Variants in NLRP1 observed in about 807,000 individuals in gnomAD.
NLRP1 encodes the protein NACHT, LRR and PYD domains-containing protein 1.
In NLRP1, 94 loss-of-function variants were observed where a neutral mutation model predicts 136.7. The ratio of observed to expected loss-of-function variants is 0.69; its 90% CI spans 0.58 to 0.82. The LOEUF (loss-of-function observed/expected upper bound fraction) is 0.82. Ranked by LOEUF, NLRP1 falls within the 40% of genes least tolerant of loss-of-function variation. The probability of loss-of-function intolerance (pLI) is 0.00; values close to 1 mark genes in which losing one functional copy is unlikely to be tolerated. For synonymous variants in NLRP1, 690 were observed against 725.1 expected, an observed-to-expected ratio of 0.95 and a Z score of 0.78; for missense variants, 1,575 against 1,802.7, an observed-to-expected ratio of 0.87 and a Z score of 2.29.
rs751062649 is a variant in NLRP1 at position 5,582,067 on chromosome 17, G to A, written c.449-5C>T. On this transcript the variant is annotated splice_region_variant and splice_polypyrimidine_tract_variant and intron_variant, in intron 2 of 16. Coordinates refer to ENST00000572272, the MANE Select transcript of NLRP1 (RefSeq NM_033004.4). ...AGAGGAGTGAGGCAGAGATTTCTGGGGGGAATGAAAAGAAAAATAACCATT... is the reference window on the plus strand; with the variant it reads ...AGAGGAGTGAGGCAGAGATTTCTGGAGGGAATGAAAAGAAAAATAACCATT... The A allele has an allele frequency of 2.5e-6, 4 of 1,606,652 alleles. No individual in the cohort carries two copies. In the Admixed American group the frequency reaches 5.1e-5, roughly 21 times the overall value.
chr17:5,534,086 G>A (rs936220325), intron 8 of NLRP1, 98 bp from the exon 9 acceptor site: 2 of 848,690 alleles, frequency 2.4e-6, no homozygotes, highest in Non-Finnish European at 4.1e-6. Flanking sequence ...CTCGGGTCGG[G>A]TGCAGTGGCT....
chr17:5,539,473 C>G lies in NLRP1; in HGVS notation c.2812G>C (p.Gly938Arg), dbSNP rs1260504045. ...AGCCCCTCACAGAGCAGTCGCACGC[C>G]AACGTCATCCAGGTTGTTCTGCTGC... ...DLQQNNLDDV[G>R]VRLLCEGLRH... is the part of the protein sequence containing the mutation. The change falls in exon 7 of 17, where the codon GGC becomes CGC. Residue 938 changes from glycine to arginine, a missense_variant. Transcript: ENST00000572272. The G allele has an allele frequency of 6.2e-7, 1 of 1,614,180 alleles. No individual in the cohort carries two copies. The highest frequency in any genetic ancestry group is 8.5e-7 in the Non-Finnish European group (1 of 1,180,030).
chr17:5,527,911 A>G (rs2151750781), intron 12 of NLRP1, among the ~76,000 whole-genome samples: 1 of 152,280 alleles, frequency 6.6e-6, no homozygotes, highest in African/African-American at 2.4e-5. Flanking sequence ...AGTCCTCACA[A>G]TGGGGAGGGC....
At chr17:5,532,747 A>C (rs943931778) in intron 11 of NLRP1, 75 bp downstream of exon 11, 26 of 1,370,014 alleles carry the variant, frequency 1.9e-5, no homozygotes, top group Admixed American at 2.6e-5. Flanking sequence ...GGTGGCGCTG[A>C]CTGTCTGTGG....
intron 15 of NLRP1, chr17:5,502,373 T>C (rs897284286): frequency 1.8e-4 from 29 of 161,034 alleles, no homozygotes; most frequent in African/African-American, 5.4e-4. Context: ...CACTGCAACC[T>C]CTGCCTCCCA....
In NLRP1 at chr17:5,568,246, T is replaced by A. The variant is rs192696865; in HGVS notation, c.653-8203A>T. 5.0e-3 allele frequency among the ~76,000 whole-genome samples: 759 copies of A among 152,214 alleles called. 6 individuals carry two copies. The highest frequency in any genetic ancestry group is 0.013 in the Admixed American group (192 of 15,290). On this transcript the variant is annotated intron_variant, in intron 3 of 16. Transcript: ENST00000572272. Reference sequence around the variant, plus strand: ...TGCAGGTGTGTTTCATTGTTTTTTTTATTCTTTTTTCTTTTGTCCCTTCTG... The same window carrying A: ...TGCAGGTGTGTTTCATTGTTTTTTTAATTCTTTTTTCTTTTGTCCCTTCTG...
At chr17:5,560,636 G>A (rs183412553) in intron 3 of NLRP1, among the ~76,000 whole-genome samples, 118 of 152,316 alleles carry the variant, frequency 7.7e-4, no homozygotes, top group Admixed American at 2.4e-3. Flanking sequence ...TGGATGACAG[G>A]TGGGGTCCCT....
intron 3 of NLRP1, among the ~76,000 whole-genome samples, chr17:5,566,334 A>G (rs1567666757): frequency 6.6e-6 from 1 of 151,812 alleles, no homozygotes; most frequent in Non-Finnish European, 1.5e-5. Context: ...AATATATCCC[A>G]TAGGTTTTGG....
Position 5,517,839 on chromosome 17 carries a change from C to G in NLRP1, c.3964G>C (p.Glu1322Gln), listed in dbSNP as rs1343117709. The G allele has an allele frequency of 1.2e-6, 2 of 1,614,206 alleles. No individual in the cohort carries two copies. The highest frequency in any genetic ancestry group is 1.7e-6 in the Non-Finnish European group (2 of 1,180,026). Residue 1322 changes from glutamate to glutamine, a missense_variant, in exon 15 of 17, where the codon GAG becomes CAG. Transcript: ENST00000572272. ...GATCCCAAGTGGCCAACGTAGAACTCCGAGAACAGCTGGTCTTCTCCAGGG... is the reference window on the plus strand; with the variant it reads ...GATCCCAAGTGGCCAACGTAGAACTGCGAGAACAGCTGGTCTTCTCCAGGG... ...RSPGEDQLFS[E>Q]FYVGHLGSGI...
downstream of NLRP1, chr17:5,512,375 C>A: frequency 4.2e-6 from 5 of 1,186,772 alleles, no homozygotes; most frequent in South Asian, 6.0e-5. Flanking sequence ...TCTGTGGACC[C>A]ACACTTGTAA....
chr17:5,510,068 T>TCC, downstream of NLRP1, among the ~76,000 whole-genome samples: 1 of 138,364 alleles, frequency 7.2e-6, no homozygotes, highest in South Asian at 2.4e-4. Flanking sequence ...TCTATTCTTC[T>TCC]TCTTCTTTTT....
At chr17:5,513,934 C>G (rs930338146), downstream of NLRP1, among the ~76,000 whole-genome samples, 1 of 152,142 alleles carries the variant, frequency 6.6e-6, no homozygotes, top group Non-Finnish European at 1.5e-5. Context: ...TGACAGTTTA[C>G]GAACGCCATG....
chr17:5,516,574 G>C (rs565971023), intron 15 of NLRP1, among the ~76,000 whole-genome samples: 1 of 152,172 alleles, frequency 6.6e-6, no homozygotes, highest in Non-Finnish European at 1.5e-5. Flanking sequence ...ACATTGCTAC[G>C]ATTTGTTAAG....
At chr17:5,571,796 T>C (rs1322515684) in intron 3 of NLRP1, among the ~76,000 whole-genome samples, 2 of 152,104 alleles carry the variant, frequency 1.3e-5, no homozygotes, top group Non-Finnish European at 2.9e-5. Flanking sequence ...CCAAAGCAAT[T>C]CTAAGTAAAA....
chr17:5,515,946 A>G (rs577829988), intron 15 of NLRP1, among the ~76,000 whole-genome samples: 4 of 152,172 alleles, frequency 2.6e-5, no homozygotes, highest in Non-Finnish European at 5.9e-5. Context: ...ACTGGCACCA[A>G]CCAAAGGTGT....
chr17:5,511,511 T>C (rs1476735501), downstream of NLRP1, among the ~76,000 whole-genome samples: 1 of 151,670 alleles, frequency 6.6e-6, no homozygotes, highest in Non-Finnish European at 1.5e-5. Flanking sequence ...CACACTTGTT[T>C]GTGTCTGGCC....
chr17:5,540,163 A>T (rs1372552596), intron 6 of NLRP1, among the ~76,000 whole-genome samples: 1 of 152,206 alleles, frequency 6.6e-6, no homozygotes, highest in Non-Finnish European at 1.5e-5. Flanking sequence ...GGCTGCTCAT[A>T]ATAGGCGATG....
At chr17:5,557,039 T>G (rs1200347021) in intron 4 of NLRP1, among the ~76,000 whole-genome samples, 2 of 152,242 alleles carry the variant, frequency 1.3e-5, no homozygotes, top group African/African-American at 4.8e-5. Flanking sequence ...AGTCTGGCTC[T>G]GTTGCCCAGG....
intron 12 of NLRP1, 42 bp downstream of exon 12, chr17:5,530,439 T>C (rs1310734429): frequency 6.4e-7 from 1 of 1,566,136 alleles, no homozygotes; most frequent in South Asian, 1.1e-5. Flanking sequence ...TTCAGGCCCA[T>C]AATTACCACC....
Sources: gnomAD v4.1 joint callset for allele counts (sites outside exome capture counted in the v4.1 genomes callset) on GRCh38, gnomAD v4.1.1 for gene constraint, MANE v1.5 for transcripts, NCBI Gene and HGNC (gene_info 2026-07-23, HGNC 2026-07-21) for gene names.